Variants in PDLIM5 observed in about 807,000 individuals in gnomAD.
The protein encoded by PDLIM5 is PDZ and LIM domain protein 5.
In PDLIM5, 34 loss-of-function variants were observed where a neutral mutation model predicts 64.2. That is an observed-to-expected ratio of 0.53 (90% CI 0.40 to 0.71). PDLIM5 has a LOEUF of 0.71. PDLIM5 is among the 30% of genes least tolerant of loss of function. The pLI, the probability that PDLIM5 is intolerant of heterozygous loss-of-function variation, is 0.00. For synonymous variants in PDLIM5, 253 were observed against 269.1 expected (o/e 0.94, Z 0.59); for missense variants, 683 against 733.6 (o/e 0.93, Z 0.80).
chr4:94,614,450 G>A (rs1006704813), intron 7 of PDLIM5, among the ~76,000 whole-genome samples: 7 of 152,056 alleles, frequency 4.6e-5, no homozygotes, highest in African/African-American at 1.7e-4. Flanking sequence ...TTAAATAGTA[G>A]CTAATAGTTA....
At chr4:94,517,109 T>C (rs992517459) in intron 2 of PDLIM5, among the ~76,000 whole-genome samples, 6 of 152,354 alleles carry the variant, frequency 3.9e-5, no homozygotes, top group African/African-American at 1.4e-4. Flanking sequence ...TTCTGCTCAC[T>C]TTACTAGTCC....
chr4:94,625,380 C>T (rs924409020), intron 8 of PDLIM5, among the ~76,000 whole-genome samples: 1 of 151,842 alleles, frequency 6.6e-6, no homozygotes, highest in Non-Finnish European at 1.5e-5. Context: ...AAAATAAAAA[C>T]ATATATTGAT....
chr4:94,634,970 A>C (rs1740445885), intron 8 of PDLIM5, among the ~76,000 whole-genome samples: 2 of 152,220 alleles, frequency 1.3e-5, no homozygotes, highest in South Asian at 4.1e-4. Flanking sequence ...GTATGTTGCT[A>C]GGTTTTCCAG....
intron 7 of PDLIM5, among the ~76,000 whole-genome samples, chr4:94,612,863 TA>T (rs1181630515): frequency 6.6e-6 from 1 of 151,760 alleles, no homozygotes; most frequent in Admixed American, 6.6e-5. Flanking sequence ...TAGTAATCTT[TA>T]AAAGTATAAA....
intron 3 of PDLIM5, among the ~76,000 whole-genome samples, chr4:94,529,745 T>C (rs1342375511): frequency 6.6e-6 from 1 of 152,192 alleles, no homozygotes; most frequent in African/African-American, 2.4e-5. Context: ...CTTTTATCGT[T>C]GAAAAAATTG....
chr4:94,641,155 T>C (rs1308072230), intron 9 of PDLIM5, among the ~76,000 whole-genome samples: 1 of 152,242 alleles, frequency 6.6e-6, no homozygotes, highest in Non-Finnish European at 1.5e-5. Context: ...CCAAAGGACC[T>C]TGTTGCACTT....
chr4:94,589,807 C>G (rs191602478), intron 7 of PDLIM5, among the ~76,000 whole-genome samples: 297 of 150,430 alleles, frequency 2.0e-3, no homozygotes, highest in African/African-American at 6.9e-3. Context: ...CAGAGTTGTG[C>G]TCTGTCACCC....
At chr4:94,486,971 C>A (rs1726398390) in intron 2 of PDLIM5, among the ~76,000 whole-genome samples, 1 of 151,988 alleles carries the variant, frequency 6.6e-6, no homozygotes, top group Non-Finnish European at 1.5e-5. Flanking sequence ...CCACTGCACT[C>A]CAGCCTGGGC....
At chr4:94,498,342 A>G (rs1727592599) in intron 2 of PDLIM5, among the ~76,000 whole-genome samples, 2 of 152,192 alleles carry the variant, frequency 1.3e-5, no homozygotes, top group South Asian at 2.1e-4. Context: ...AACTTTTGCT[A>G]TCATAATGAC....
At chr4:94,640,476 G>A (rs758769375) in intron 9 of PDLIM5, 26 bp downstream of exon 9, 4 of 1,365,698 alleles carry the variant, frequency 2.9e-6, no homozygotes, top group Non-Finnish European at 2.0e-6. Flanking sequence ...AAATTTTCTT[G>A]AAAGTACTTA....
At chr4:94,522,129 C>G (rs139148337) in intron 2 of PDLIM5, among the ~76,000 whole-genome samples, 70 of 152,192 alleles carry the variant, frequency 4.6e-4, no homozygotes, top group African/African-American at 1.6e-3. Flanking sequence ...TTTCTCAGAT[C>G]AGTAATCTGA....
intron 8 of PDLIM5, 102 bp downstream of exon 8, chr4:94,618,293 C>T (rs977457109): frequency 1.5e-6 from 1 of 681,366 alleles, no homozygotes; most frequent in African/African-American, 1.9e-5. Flanking sequence ...AACCCATTCT[C>T]AATAACCTAA....
chr4:94,664,908 A>G lies in PDLIM5; in HGVS notation c.*841A>G. 3.1e-6 allele frequency: 3 copies of G among 979,276 alleles called. No individual in the cohort carries two copies. Among genetic ancestry groups the G allele is most frequent in the East Asian group, 1.1e-4 (1 of 8,768 alleles). 60.7% of individuals were successfully genotyped at this position (979,276 alleles called of 1,614,324 possible). ...TGCTTGTATATTATTTTTGCCTTAC[A>G]GTGGATCATTCTAGTAGGAAAGGAC... is the stretch of plus-strand genomic sequence containing the variant. On this transcript the variant is annotated 3_prime_UTR_variant, in exon 13 of 13. Transcript: ENST00000317968.
intron 7 of PDLIM5, among the ~76,000 whole-genome samples, chr4:94,593,439 G>A (rs1736827691): frequency 6.6e-6 from 1 of 152,124 alleles, no homozygotes; most frequent in Admixed American, 6.5e-5. Context: ...CAGAGTTGGT[G>A]TCTGTTGAGG....
At chr4:94,627,171 G>GT (rs1739767330) in intron 8 of PDLIM5, among the ~76,000 whole-genome samples, 1 of 152,092 alleles carries the variant, frequency 6.6e-6, no homozygotes, top group Non-Finnish European at 1.5e-5. Context: ...CCCTCTTGCC[G>GT]TAAAGCCCTG....
chr4:94,602,744 C>T (rs1196228186), intron 7 of PDLIM5, among the ~76,000 whole-genome samples: 1 of 151,472 alleles, frequency 6.6e-6, no homozygotes, highest in Non-Finnish European at 1.5e-5. Flanking sequence ...GTGTGAGCCA[C>T]CACACCAGGC....
At chr4:94,623,920 A>T (rs1739453097) in intron 8 of PDLIM5, among the ~76,000 whole-genome samples, 2 of 152,244 alleles carry the variant, frequency 1.3e-5, no homozygotes, top group South Asian at 4.1e-4. Context: ...TAAGATCGTG[A>T]ACATGAGCAG....
At chr4:94,595,640 C>G (rs1299352417) in intron 7 of PDLIM5, among the ~76,000 whole-genome samples, 1 of 152,156 alleles carries the variant, frequency 6.6e-6, no homozygotes, top group African/African-American at 2.4e-5. Flanking sequence ...TGTTGATATT[C>G]ATTGACCCAC....
At chr4:94,528,945 G>C (rs1578315358) in intron 3 of PDLIM5, among the ~76,000 whole-genome samples, 1 of 152,326 alleles carries the variant, frequency 6.6e-6, no homozygotes, top group Non-Finnish European at 1.5e-5. Context: ...GCAGAGCGAA[G>C]AGCCAGTGTG....
Sources: gnomAD v4.1 joint callset for allele counts (sites outside exome capture counted in the v4.1 genomes callset) on GRCh38, gnomAD v4.1.1 for gene constraint, MANE v1.5 for transcripts, NCBI Gene and HGNC (gene_info 2026-07-23, HGNC 2026-07-21) for gene names.